KCNT2: variants seen among roughly 807,000 people sequenced by gnomAD.
KCNT2 encodes the protein potassium sodium-activated channel subfamily T member 2.
Under a neutral mutation model 153.8 loss-of-function variants are expected in KCNT2, and 67 were observed. That is an observed-to-expected ratio of 0.44 (90% CI 0.36 to 0.53). The LOEUF is 0.53. KCNT2 is among the 20% of genes least tolerant of loss of function. The probability of loss-of-function intolerance (pLI) is 0.00; values close to 1 mark genes in which losing one functional copy is unlikely to be tolerated. For missense variants in KCNT2, 975 were observed against 1,354.8 expected (o/e 0.72, Z 4.40); for synonymous variants, 500 against 458.8 (o/e 1.09, Z -1.15).
intron 8 of KCNT2, among the ~76,000 whole-genome samples, chr1:196,454,959 C>T (rs1260558276): frequency 2.0e-5 from 3 of 151,892 alleles, no homozygotes; most frequent in Non-Finnish European, 4.4e-5. Context: ...CAGTTCAGTT[C>T]CATGTGATTG....
intron 1 of KCNT2, among the ~76,000 whole-genome samples, chr1:196,526,731 G>A (rs1442757137): frequency 1.3e-5 from 2 of 152,114 alleles, no homozygotes; most frequent in Non-Finnish European, 2.9e-5. Context: ...GATTACAGGC[G>A]TGATCCACTG....
chr1:196,464,532 A>G (rs1249490813), intron 8 of KCNT2, among the ~76,000 whole-genome samples: 1 of 151,782 alleles, frequency 6.6e-6, no homozygotes, highest in Non-Finnish European at 1.5e-5. Context: ...TTCCTTTTTT[A>G]GTACTTCCTA....
At chr1:196,302,846 C>A (rs1383668123) in intron 22 of KCNT2, among the ~76,000 whole-genome samples, 1 of 151,768 alleles carries the variant, frequency 6.6e-6, no homozygotes, top group African/African-American at 2.4e-5. Context: ...AATATGGTAA[C>A]AAGTGGATCA....
rs116660938 is a variant in KCNT2, at chr1:196,344,148, A to G, written c.1404-1920T>C. Among the ~76,000 whole-genome samples, 675 of 152,312 alleles carry G rather than the reference A, an allele frequency of 4.4e-3. 4 individuals are homozygous for G. Among genetic ancestry groups the G allele is most frequent in the African/African-American group, 0.015 (613 of 41,568 alleles). ...CTTTATCTCTTCAGTGACAAACAGT[A>G]TCAGCTTCATTGGGTTAGATAAAAT... On this transcript the variant is annotated intron_variant, in intron 14 of 27. Transcript: ENST00000294725.
intron 8 of KCNT2, among the ~76,000 whole-genome samples, chr1:196,446,042 C>T (rs949771642): frequency 1.3e-5 from 2 of 151,394 alleles, no homozygotes; most frequent in South Asian, 2.1e-4. Context: ...TAGCATTAAC[C>T]TAACGGACAT....
chr1:196,238,442 G>A (rs868507582), intron 26 of KCNT2, among the ~76,000 whole-genome samples: 1 of 151,808 alleles, frequency 6.6e-6, no homozygotes, highest in Non-Finnish European at 1.5e-5. Flanking sequence ...TATTATACAT[G>A]GCTTATCAAG....
At chr1:196,456,096 C>T (rs1335489175) in intron 8 of KCNT2, among the ~76,000 whole-genome samples, 5 of 152,020 alleles carry the variant, frequency 3.3e-5, no homozygotes, top group African/African-American at 1.2e-4. Flanking sequence ...AATATCCCAA[C>T]TGCTTCCTTC....
chr1:196,284,174 T>C (rs2147882699), intron 23 of KCNT2, among the ~76,000 whole-genome samples: 1 of 136,326 alleles, frequency 7.3e-6, no homozygotes, highest in East Asian at 2.2e-4. Flanking sequence ...GAGGTTGCAG[T>C]GAGCCGAGAT....
intron 1 of KCNT2, among the ~76,000 whole-genome samples, chr1:196,600,497 G>A (rs1020967341): frequency 7.4e-6 from 1 of 135,138 alleles, no homozygotes; most frequent in Non-Finnish European, 1.6e-5. Flanking sequence ...CAGAAAAGTT[G>A]TCACTATCAG....
chr1:196,421,706 T>C (rs1673218253), intron 12 of KCNT2, among the ~76,000 whole-genome samples: 1 of 152,008 alleles, frequency 6.6e-6, no homozygotes, highest in Non-Finnish European at 1.5e-5. Context: ...GTTAGTTTCC[T>C]AGGGCTGCCA....
chr1:196,287,915 G>A (rs960665254), intron 22 of KCNT2, among the ~76,000 whole-genome samples: 1 of 151,956 alleles, frequency 6.6e-6, no homozygotes, highest in Non-Finnish European at 1.5e-5. Flanking sequence ...AGCAAAATAG[G>A]CAAAAACACT....
intron 1 of KCNT2, among the ~76,000 whole-genome samples, chr1:196,587,461 T>C (rs1662825398): frequency 3.9e-5 from 6 of 151,978 alleles, no homozygotes; most frequent in Admixed American, 3.9e-4. Flanking sequence ...AGCATATGAC[T>C]TTTACCTTAT....
intron 1 of KCNT2, among the ~76,000 whole-genome samples, chr1:196,579,304 T>C (rs1382260419): frequency 1.3e-5 from 2 of 151,758 alleles, no homozygotes; most frequent in East Asian, 1.9e-4. Context: ...AAGGGAACAA[T>C]AAACCCTGGG....
chr1:196,383,799 A>G (rs543149061), intron 13 of KCNT2, among the ~76,000 whole-genome samples: 2 of 152,220 alleles, frequency 1.3e-5, no homozygotes, highest in African/African-American at 4.8e-5. Flanking sequence ...AGGAAAATGT[A>G]TTCAATGTTG....
chr1:196,411,114 C>CTCCCTTCT (rs1558257570), intron 12 of KCNT2, among the ~76,000 whole-genome samples: 1 of 126,734 alleles, frequency 7.9e-6, no homozygotes, highest in Admixed American at 8.7e-5. Context: ...TCCTTCCTTC[C>CTCCCTTCT]TTCCTTCCTC....
chr1:196,446,955 TC>T (rs1292254608), intron 8 of KCNT2, among the ~76,000 whole-genome samples: 1 of 151,560 alleles, frequency 6.6e-6, no homozygotes, highest in Non-Finnish European at 1.5e-5. Flanking sequence ...AAAGTTTTGA[TC>T]CCTGTTTTAA....
chr1:196,439,761 C>A (rs1409186544), intron 8 of KCNT2, among the ~76,000 whole-genome samples: 1 of 151,818 alleles, frequency 6.6e-6, no homozygotes, highest in Non-Finnish European at 1.5e-5. Flanking sequence ...TGGTTTACAT[C>A]CTACTTGAAC....
At chr1:196,513,965 A>G (rs1681847356) in intron 1 of KCNT2, among the ~76,000 whole-genome samples, 1 of 152,200 alleles carries the variant, frequency 6.6e-6, no homozygotes, top group Admixed American at 6.5e-5. Context: ...GTGCTTTGCA[A>G]GAATAATGAA....
At chr1:196,270,559 AAC>A (rs1268014674) in intron 25 of KCNT2, among the ~76,000 whole-genome samples, 4 of 152,070 alleles carry the variant, frequency 2.6e-5, no homozygotes, top group Non-Finnish European at 5.9e-5. Context: ...GCATTGTATA[AAC>A]ACACAAATTC....
Sources: allele counts gnomAD v4.1 joint callset (sites outside exome capture counted in the v4.1 genomes callset), GRCh38; gene constraint gnomAD v4.1.1; transcripts MANE v1.5; gene names NCBI Gene and HGNC (gene_info 2026-07-23, HGNC 2026-07-21).